Variants in MTMR7 observed in about 807,000 individuals in gnomAD.
The protein encoded by MTMR7 is myotubularin related protein 7.
Under a neutral mutation model 81.2 loss-of-function variants are expected in MTMR7, and 76 were observed. The ratio of observed to expected loss-of-function variants is 0.94; its 90% CI spans 0.78 to 1.13. MTMR7 has a LOEUF of 1.13. MTMR7 is among the 50% of genes most tolerant of loss of function. The pLI is 0.00. For missense variants in MTMR7, 1,044 were observed against 820.0 expected (o/e 1.27, Z -3.34); for synonymous variants, 372 against 289.8 (o/e 1.28, Z -2.88).
intron 4 of MTMR7, among the ~76,000 whole-genome samples, chr8:17,354,088 C>A (rs1321629802): frequency 6.6e-6 from 1 of 152,176 alleles, no homozygotes; most frequent in African/African-American, 2.4e-5. Context: ...TCACTCAGCC[C>A]TCCAAGGACC....
chr8:17,405,947 T>C (rs1273570415), intron 1 of MTMR7, among the ~76,000 whole-genome samples: 1 of 152,118 alleles, frequency 6.6e-6, no homozygotes, highest in African/African-American at 2.4e-5. Flanking sequence ...AAAATGTTAA[T>C]ATATACACAG....
chr8:17,301,823 T>C, intron 13 of MTMR7: 1 of 361,202 alleles, frequency 2.8e-6, no homozygotes, highest in Non-Finnish European at 4.9e-6. Flanking sequence ...GTACATATAT[T>C]TGATTTTATT....
At chr8:17,384,687 A>G (rs964439538) in intron 1 of MTMR7, among the ~76,000 whole-genome samples, 9 of 152,232 alleles carry the variant, frequency 5.9e-5, no homozygotes, top group African/African-American at 1.9e-4. Context: ...GGTTTTTCCA[A>G]TTTAAAAAGA....
At chr8:17,304,741 C>G (rs1358695701) in intron 11 of MTMR7, among the ~76,000 whole-genome samples, 1 of 28,752 alleles carries the variant, frequency 3.5e-5, no homozygotes, top group African/African-American at 2.0e-4. Context: ...ACAAGGTGTT[C>G]GATTCGTGTG....
intron 12 of MTMR7, among the ~76,000 whole-genome samples, chr8:17,302,842 A>T (rs896087874): frequency 1.3e-5 from 2 of 150,504 alleles, no homozygotes; most frequent in Non-Finnish European, 3.0e-5. Context: ...CCTCCCAAGT[A>T]CCTGGGATTA....
chr8:17,311,680 AAAAAGGCAGAACCTCTCATCACAGCC>A (rs1380208292), intron 8 of MTMR7, 44 bp from the exon 9 acceptor site: 1 of 1,612,736 alleles, frequency 6.2e-7, no homozygotes, highest in Non-Finnish European at 8.5e-7. Context: ...GAATGGCTGT[AAAAAGGCAGAACCTCTCATCACAGCC>A]AGGTTTGACT....
intron 1 of MTMR7, among the ~76,000 whole-genome samples, chr8:17,394,685 A>C (rs1040656929): frequency 1.3e-5 from 2 of 152,218 alleles, no homozygotes; most frequent in African/African-American, 4.8e-5. Flanking sequence ...TGAATTTTAT[A>C]ATATGTAAAT....
intron 6 of MTMR7, among the ~76,000 whole-genome samples, chr8:17,338,355 G>A (rs1258979029): frequency 6.6e-6 from 1 of 152,104 alleles, no homozygotes; most frequent in Non-Finnish European, 1.5e-5. Flanking sequence ...ACACAACACA[G>A]TACATATCTG....
At chr8:17,374,883 G>A (rs1206058354) in intron 1 of MTMR7, among the ~76,000 whole-genome samples, 1 of 152,006 alleles carries the variant, frequency 6.6e-6, no homozygotes, top group Non-Finnish European at 1.5e-5. Flanking sequence ...GAGGTCGGGA[G>A]TTCAAGACCA....
intron 9 of MTMR7, among the ~76,000 whole-genome samples, chr8:17,309,533 G>A (rs1370212734): frequency 1.3e-5 from 2 of 152,182 alleles, no homozygotes; most frequent in African/African-American, 4.8e-5. Flanking sequence ...ACAGTGAGTG[G>A]AAATGGATGT....
chr8:17,329,426 G>A (rs1004550308), intron 7 of MTMR7, among the ~76,000 whole-genome samples: 2 of 152,190 alleles, frequency 1.3e-5, no homozygotes, highest in Non-Finnish European at 2.9e-5. Flanking sequence ...ACAGACAGCT[G>A]CCCTCCAGAA....
chr8:17,374,454 C>G (rs188202097), intron 1 of MTMR7, among the ~76,000 whole-genome samples: 1 of 152,074 alleles, frequency 6.6e-6, no homozygotes, highest in East Asian at 1.9e-4. Context: ...AACCCTGTAT[C>G]TACTAAAAAT....
At chr8:17,380,901 A>G (rs1042012844) in intron 1 of MTMR7, among the ~76,000 whole-genome samples, 3 of 152,220 alleles carry the variant, frequency 2.0e-5, no homozygotes, top group African/African-American at 7.2e-5. Flanking sequence ...CTATCACAAT[A>G]TTATTCTTTT....
rs898340415 is a variant in MTMR7 at position 17,359,818 on chromosome 8, G to C, written c.468+1299C>G. ...ATTTTTAAAAACTAACTCTTTACTG[G>C]TGAGGGTATAAGGAATCAAGCATTC... On this transcript the variant is annotated intron_variant, in intron 4 of 13. Transcript: ENST00000180173. Among the ~76,000 whole-genome samples the C allele has an allele frequency of 3.9e-5, 6 of 152,178 alleles. No individual in the cohort carries two copies. In the South Asian group the frequency reaches 1.0e-3, roughly 26 times the overall value.
At chr8:17,326,295 A>G (rs1283010024) in intron 7 of MTMR7, 1 of 152,192 alleles carries the variant, frequency 6.6e-6, no homozygotes, top group Admixed American at 6.5e-5. Context: ...TCATCCGTAA[A>G]ATGAAGATAA....
chr8:17,401,785 G>A (rs905234946), intron 1 of MTMR7, among the ~76,000 whole-genome samples: 3 of 152,152 alleles, frequency 2.0e-5, no homozygotes, highest in African/African-American at 7.2e-5. Flanking sequence ...AGCACAAGAG[G>A]AGAAAATTGG....
chr8:17,341,360 T>G lies in MTMR7; in HGVS notation c.732+3A>C, dbSNP rs1234744337. ...AGACATGCATCGCAACGGTGACACT[T>G]ACTTTAGGCCGGGTGTCAACGACAT... is the stretch of plus-strand genomic sequence containing the variant. On this transcript the variant is annotated splice_donor_region_variant and intron_variant, in intron 6 of 13. Coordinates refer to ENST00000180173, the MANE Select transcript of MTMR7 (RefSeq NM_004686.5). 6.2e-7 allele frequency: 1 copy of G among 1,614,014 alleles called. No individual in the cohort carries two copies. Among genetic ancestry groups the G allele is most frequent in the South Asian group, 1.1e-5 (1 of 91,074 alleles).
rs943885710 is a variant in MTMR7 at position 17,343,190 on chromosome 8, G to A, written c.598-1693C>T. Among the ~76,000 whole-genome samples the A allele has an allele frequency of 3.9e-5, 6 of 152,288 alleles. No individual in the cohort carries two copies. The South Asian group carries it at 1.0e-3, about 26-fold the overall frequency. On this transcript the variant is annotated intron_variant, in intron 5 of 13. Transcript: ENST00000180173. The stretch of plus-strand genomic sequence containing the variant: ...GCCTGTAATCCCAGCACTTTGGGAG[G>A]CCGAGGCGGGGGGATAACTTGAGGT...
intron 7 of MTMR7, among the ~76,000 whole-genome samples, chr8:17,327,296 C>A (rs1050024572): frequency 2.0e-5 from 3 of 152,046 alleles, no homozygotes; most frequent in Non-Finnish European, 4.4e-5. Flanking sequence ...TGAGACAGAG[C>A]CTAACTCTCT....
Sources: gnomAD v4.1 joint callset for allele counts (sites outside exome capture counted in the v4.1 genomes callset) on GRCh38, gnomAD v4.1.1 for gene constraint, MANE v1.5 for transcripts, NCBI Gene and HGNC (gene_info 2026-07-23, HGNC 2026-07-21) for gene names.